Variants in METTL8 observed in about 807,000 individuals in gnomAD.
METTL8 encodes the protein methyltransferase 8, tRNA N3-cytidine.
A neutral mutation model predicts 48.7 loss-of-function variants in METTL8; 32 were observed. The ratio of observed to expected loss-of-function variants is 0.66; its 90% confidence interval spans 0.50 to 0.88. METTL8 has a LOEUF of 0.88. Among genes scored for constraint, METTL8 ranks in the 40% least tolerant of loss-of-function variants. The probability of loss-of-function intolerance (pLI) is 0.00; values close to 1 mark genes in which losing one functional copy is unlikely to be tolerated. For synonymous variants in METTL8, 136 were observed against 157.1 expected (o/e 0.87, Z 1.01); for missense variants, 464 against 474.4 (o/e 0.98, Z 0.20).
intron 2 of METTL8, among the ~76,000 whole-genome samples, chr2:171,372,423 CTCTA>C (rs1686454444): frequency 6.6e-6 from 1 of 151,830 alleles, no homozygotes; most frequent in Admixed American, 6.6e-5. Context: ...AGACTTTTCT[CTCTA>C]TATATAAAAG....
At chr2:171,375,278 T>C (rs985389158) in intron 2 of METTL8, 1 of 895,558 alleles carries the variant, frequency 1.1e-6, no homozygotes, top group Non-Finnish European at 1.9e-6. Flanking sequence ...TTCTTTGTCA[T>C]CTTGGAGGCA....
intron 1 of METTL8, among the ~76,000 whole-genome samples, chr2:171,419,447 C>T (rs1691659628): frequency 6.6e-6 from 1 of 152,208 alleles, no homozygotes. Context: ...TAGCCTTCTA[C>T]TCCAACAGTA....
chr2:171,384,133 G>GC (rs1219839473), intron 2 of METTL8, among the ~76,000 whole-genome samples: 1 of 152,204 alleles, frequency 6.6e-6, no homozygotes, highest in African/African-American at 2.4e-5. Context: ...AATACATGCT[G>GC]CAAGGTATAT....
At chr2:171,340,606 T>C (rs1327735506) in intron 3 of METTL8, among the ~76,000 whole-genome samples, 1 of 152,032 alleles carries the variant, frequency 6.6e-6, no homozygotes, top group Non-Finnish European at 1.5e-5. Flanking sequence ...TTATTTTTAA[T>C]GTATTTACAA....
chr2:171,418,015 C>T (rs563285248), intron 1 of METTL8, among the ~76,000 whole-genome samples: 21 of 152,248 alleles, frequency 1.4e-4, no homozygotes, highest in African/African-American at 5.1e-4. Flanking sequence ...GCAATCTCGG[C>T]TCACTGCAAG....
At chr2:171,356,960 T>TTTTTTTTTTTTTTTTTTTTTTTTTG (rs1559101921) in intron 3 of METTL8, among the ~76,000 whole-genome samples, 2 of 123,626 alleles carry the variant, frequency 1.6e-5, no homozygotes, top group African/African-American at 5.8e-5. Context: ...ATATTTTTTT[T>TTTTTTTTTTTTTTTTTTTTTTTTTG]TTTTTTTTTG....
intron 1 of METTL8, among the ~76,000 whole-genome samples, chr2:171,397,129 C>G (rs554144204): frequency 1.3e-5 from 2 of 151,586 alleles, no homozygotes; most frequent in South Asian, 4.2e-4. Flanking sequence ...GCCTCAGCTT[C>G]TATCTTCACA....
intron 2 of METTL8, among the ~76,000 whole-genome samples, chr2:171,373,305 T>C (rs1156511301): frequency 6.6e-6 from 1 of 152,228 alleles, no homozygotes; most frequent in Admixed American, 6.5e-5. Context: ...TCTGTTCATA[T>C]CCTTTGCCCA....
At chr2:171,430,371 A>G (rs901963151) in intron 1 of METTL8, among the ~76,000 whole-genome samples, 1 of 146,864 alleles carries the variant, frequency 6.8e-6, no homozygotes, top group Non-Finnish European at 1.5e-5. Flanking sequence ...AACAAAAAAC[A>G]AAAAAAAAAG....
At chr2:171,426,918 G>T (rs1368806064) in intron 1 of METTL8, among the ~76,000 whole-genome samples, 1 of 152,118 alleles carries the variant, frequency 6.6e-6, no homozygotes, top group East Asian at 1.9e-4. Flanking sequence ...GTTCCACATG[G>T]TCTGACCCCT....
At chr2:171,403,289 G>T (rs940595651) in intron 1 of METTL8, among the ~76,000 whole-genome samples, 2 of 152,104 alleles carry the variant, frequency 1.3e-5, no homozygotes, top group Non-Finnish European at 2.9e-5. Context: ...TTCTTGATAT[G>T]ATGTGACAAA....
At chr2:171,396,739 A>G (rs1047278510) in intron 1 of METTL8, among the ~76,000 whole-genome samples, 4 of 152,230 alleles carry the variant, frequency 2.6e-5, no homozygotes, top group Non-Finnish European at 5.9e-5. Flanking sequence ...AAAATCTGAA[A>G]ATATCAAAAT....
At chr2:171,331,583 A>T (rs1559052317) in intron 6 of METTL8, among the ~76,000 whole-genome samples, 1 of 151,216 alleles carries the variant, frequency 6.6e-6, no homozygotes, top group Non-Finnish European at 1.5e-5. Flanking sequence ...CAGCCAGCTA[A>T]TTTTTTTATT....
At chr2:171,325,241 A>G (rs950852862) in intron 9 of METTL8, among the ~76,000 whole-genome samples, 1 of 152,074 alleles carries the variant, frequency 6.6e-6, no homozygotes, top group African/African-American at 2.4e-5. Flanking sequence ...GCTGGAGCAC[A>G]GTGGTCCAAT....
At chr2:171,353,816 A>G (rs1189811608) in intron 3 of METTL8, among the ~76,000 whole-genome samples, 2 of 152,032 alleles carry the variant, frequency 1.3e-5, no homozygotes, top group South Asian at 2.1e-4. Context: ...TGCTTGGTAG[A>G]TCTTCCTCCA....
intron 3 of METTL8, among the ~76,000 whole-genome samples, chr2:171,356,696 G>T (rs1162999418): frequency 6.6e-6 from 1 of 151,958 alleles, no homozygotes; most frequent in African/African-American, 2.4e-5. Flanking sequence ...TTAACTTAAG[G>T]ACCTCCATTT....
chr2:171,409,013 T>G (rs1158219197), intron 1 of METTL8, among the ~76,000 whole-genome samples: 5 of 152,184 alleles, frequency 3.3e-5, no homozygotes, highest in Non-Finnish European at 5.9e-5. Flanking sequence ...AGATGCTGCT[T>G]AATTTGAACA....
At chr2:171,361,961 T>C (rs1425966760) in intron 2 of METTL8, among the ~76,000 whole-genome samples, 2 of 151,968 alleles carry the variant, frequency 1.3e-5, no homozygotes, top group Admixed American at 6.5e-5. Flanking sequence ...TAAGAGAAGG[T>C]AGGTTTGGGT....
intron 1 of METTL8, among the ~76,000 whole-genome samples, chr2:171,431,560 C>T (rs1559234582): frequency 6.6e-6 from 1 of 152,238 alleles, no homozygotes; most frequent in East Asian, 1.9e-4. Flanking sequence ...CAATAAAACT[C>T]TTCTCTGTCC....
Sources: allele counts gnomAD v4.1 joint callset (sites outside exome capture counted in the v4.1 genomes callset), GRCh38; gene constraint gnomAD v4.1.1; transcripts MANE v1.5; gene names NCBI Gene and HGNC (gene_info 2026-07-23, HGNC 2026-07-21).